SATB2: variants seen among roughly 807,000 people sequenced by gnomAD.
The protein encoded by SATB2 is SATB homeobox 2, also known as DNA-binding protein SATB2.
A neutral mutation model predicts 73.4 loss-of-function variants in SATB2; 1 was observed. The observed-to-expected ratio is 0.01, with a 90% confidence interval of 0.00 to 0.06. SATB2 has a LOEUF of 0.06. Among genes scored for constraint, SATB2 ranks in the 10% least tolerant of loss-of-function variants. The probability of loss-of-function intolerance (pLI) is 1.00; values close to 1 mark genes in which losing one functional copy is unlikely to be tolerated. For synonymous variants in SATB2, 397 were observed against 367.0 expected, an observed-to-expected ratio of 1.08 and a Z score of -0.93; for missense variants, 459 against 945.8, an observed-to-expected ratio of 0.49 and a Z score of 6.75.
chr2:199,296,972 AT>A (rs1246472230), intron 10 of SATB2, among the ~76,000 whole-genome samples: 1 of 152,254 alleles, frequency 6.6e-6, no homozygotes, highest in Non-Finnish European at 1.5e-5. Context: ...AAAATTTTAA[AT>A]ATTTGGAAAC....
upstream of SATB2, among the ~76,000 whole-genome samples, chr2:199,462,237 C>T (rs113166689): frequency 2.3e-4 from 35 of 152,250 alleles, no homozygotes; most frequent in African/African-American, 8.2e-4. The surrounding 1 kb of genome is among the most constrained non-coding windows in gnomAD (Gnocchi z 5.9). Context: ...CCTGCCTCTT[C>T]CCCTGGAGCT....
chr2:199,294,864 C>T (rs930841849), intron 10 of SATB2, among the ~76,000 whole-genome samples: 1 of 152,188 alleles, frequency 6.6e-6, no homozygotes, highest in South Asian at 2.1e-4. Context: ...GAGTTCACAT[C>T]ATAGATTTTA....
rs1038173269 is a variant in SATB2 at position 199,455,862 on chromosome 2, C to T, written c.169+7G>A. 7 of 1,536,174 alleles carry T rather than the reference C, an allele frequency of 4.6e-6. No individual in the cohort carries two copies. In the Admixed American group the frequency reaches 9.8e-5, roughly 21 times the overall value. On this transcript the variant is annotated splice_region_variant and intron_variant, in intron 2 of 10. Coordinates refer to ENST00000417098, the MANE Select transcript of SATB2 (RefSeq NM_001172509.2). The surrounding 1 kb of genome is among the most constrained non-coding windows in gnomAD (Gnocchi z 4.1). ...GGGCTGCGCGCCTCCCTGCTCCGGG[C>T]TGTTACCTCCCACGGCCTTGGCCAC...
At chr2:199,469,404 C>T (rs1396355939), upstream of SATB2, among the ~76,000 whole-genome samples, 1 of 152,152 alleles carries the variant, frequency 6.6e-6, no homozygotes, top group Non-Finnish European at 1.5e-5. Context: ...GACTCTCCTC[C>T]GCCCCCCGGC....
intron 3 of SATB2, among the ~76,000 whole-genome samples, chr2:199,429,825 G>T (rs1049977983): frequency 1.3e-5 from 2 of 152,176 alleles, no homozygotes; most frequent in African/African-American, 2.4e-5. Flanking sequence ...CAGGAGAATC[G>T]CCTGAAACCG....
At chr2:199,327,883 G>T (rs1688075069) in intron 8 of SATB2, among the ~76,000 whole-genome samples, 1 of 152,094 alleles carries the variant, frequency 6.6e-6, no homozygotes, top group South Asian at 2.1e-4. Context: ...GCATATGCAT[G>T]CTTCCACTGC....
intron 3 of SATB2, among the ~76,000 whole-genome samples, chr2:199,432,467 C>T (rs1348299080): frequency 6.6e-6 from 1 of 152,182 alleles, no homozygotes; most frequent in Non-Finnish European, 1.5e-5. Context: ...ACATCCTTGG[C>T]ATCTTCACAA....
intron 9 of SATB2, among the ~76,000 whole-genome samples, chr2:199,311,681 T>C (rs1687599988): frequency 6.6e-6 from 1 of 152,204 alleles, no homozygotes; most frequent in South Asian, 2.1e-4. Context: ...GTTTTCCTCA[T>C]GGCAGCCATG....
chr2:199,378,571 C>G (rs1268708366), intron 5 of SATB2, among the ~76,000 whole-genome samples: 1 of 152,134 alleles, frequency 6.6e-6, no homozygotes, highest in East Asian at 1.9e-4. Flanking sequence ...CCTTTTCTAT[C>G]TAGCTGCCTA....
chr2:199,346,650 C>A (rs907235060), intron 7 of SATB2, among the ~76,000 whole-genome samples: 2 of 152,096 alleles, frequency 1.3e-5, no homozygotes, highest in African/African-American at 4.8e-5. Flanking sequence ...AGAGTATCTA[C>A]AAAATTCTTA....
intron 2 of SATB2, among the ~76,000 whole-genome samples, chr2:199,442,426 C>T (rs1055491184): frequency 3.3e-5 from 5 of 152,212 alleles, no homozygotes; most frequent in Admixed American, 3.3e-4. Context: ...TGGCATGCTG[C>T]ACCATGCTCT....
chr2:199,334,700 C>A (rs1269824821), intron 7 of SATB2, among the ~76,000 whole-genome samples: 2 of 152,048 alleles, frequency 1.3e-5, no homozygotes, highest in African/African-American at 2.4e-5. Context: ...AAACTGGTAA[C>A]CTCTTAAGAA....
At chr2:199,318,693 G>A (rs868663487) in intron 9 of SATB2, among the ~76,000 whole-genome samples, 9 of 151,890 alleles carry the variant, frequency 5.9e-5, no homozygotes, top group Middle Eastern at 6.8e-3. Flanking sequence ...AATTACTTAC[G>A]TAATCACAAA....
intron 3 of SATB2, among the ~76,000 whole-genome samples, chr2:199,391,432 C>CAAAAAAAAAAAAAAA (rs56190034): frequency 3.0e-5 from 3 of 98,592 alleles, no homozygotes; most frequent in African/African-American, 7.9e-5. Flanking sequence ...GACTCCGTCT[C>CAAAAAAAAAAAAAAA]AAAAAAAAAA....
intron 5 of SATB2, among the ~76,000 whole-genome samples, chr2:199,377,310 G>T (rs1689634477): frequency 6.6e-6 from 1 of 152,232 alleles, no homozygotes. Context: ...ACAGGGAGGC[G>T]GCAGTTGCAC....
intron 6 of SATB2, among the ~76,000 whole-genome samples, chr2:199,364,867 TTTC>T (rs1357656186): frequency 6.6e-6 from 1 of 152,146 alleles, no homozygotes; most frequent in Non-Finnish European, 1.5e-5. Flanking sequence ...ATTAAGGCGT[TTTC>T]TTATTTTTAT....
At chr2:199,425,257 T>G (rs1409922907) in intron 3 of SATB2, among the ~76,000 whole-genome samples, 1 of 152,256 alleles carries the variant, frequency 6.6e-6, no homozygotes, top group Non-Finnish European at 1.5e-5. Context: ...TGGATCATTT[T>G]ACGTGAATGT....
intron 1 of SATB2, among the ~76,000 whole-genome samples, 183 bp from the exon 2 acceptor site, chr2:199,456,279 G>A (rs1692272358): frequency 6.6e-6 from 1 of 152,252 alleles, no homozygotes; most frequent in African/African-American, 2.4e-5. Context: ...CGGCCCCCAG[G>A]AAGCCCAGCG....
At chr2:199,296,307 T>C (rs1230132853) in intron 10 of SATB2, among the ~76,000 whole-genome samples, 5 of 152,150 alleles carry the variant, frequency 3.3e-5, no homozygotes, top group Non-Finnish European at 5.9e-5. Flanking sequence ...CAAATGGAAA[T>C]TAGAAATGGA....
Sources: gnomAD v4.1 joint callset for allele counts (sites outside exome capture counted in the v4.1 genomes callset) on GRCh38, gnomAD v4.1.1 for gene constraint, Gnocchi (gnomAD v3.1) non-coding constraint, MANE v1.5 for transcripts, NCBI Gene and HGNC (gene_info 2026-07-23, HGNC 2026-07-21) for gene names.